TOP2B: variants seen among roughly 807,000 people sequenced by gnomAD.
The protein encoded by TOP2B is DNA topoisomerase II beta.
TOP2B carries 51 observed loss-of-function variants against 193.5 expected under a neutral mutation model. That is an observed-to-expected ratio of 0.26 (90% CI 0.21 to 0.33). TOP2B has a LOEUF of 0.33. TOP2B is among the 10% of genes least tolerant of loss of function. The probability of loss-of-function intolerance (pLI) is 1.00; values close to 1 mark genes in which losing one functional copy is unlikely to be tolerated. For synonymous variants in TOP2B, 634 were observed against 635.7 expected, an observed-to-expected ratio of 1.00 and a Z score of 0.04; for missense variants, 1,378 against 1,909.3, an observed-to-expected ratio of 0.72 and a Z score of 5.19.
In TOP2B at chr3:25,620,190, T is replaced by C. The variant is rs559267189; in HGVS notation, c.2863-128A>G. The C allele has an allele frequency of 2.3e-5, 15 of 640,516 alleles. No individual in the cohort carries two copies. In the African/African-American group the frequency reaches 2.6e-4, roughly 11 times the overall value. The allele number at this position is 640,516 out of a possible 1,614,324, so 39.7% of individuals were successfully genotyped here. ...AAAAAGGAAACCTCAATCTCTATCA[T>C]CTCCTATCCAATCAGTATAGAAGGC... On this transcript the variant is annotated intron_variant, in intron 22 of 35. Coordinates refer to ENST00000264331, the MANE Select transcript of TOP2B (RefSeq NM_001330700.2).
intron 35 of TOP2B, 84 bp from the exon 36 acceptor site, chr3:25,598,561 A>ATGTT (rs1171844494): frequency 2.6e-5 from 28 of 1,066,040 alleles, no homozygotes; most frequent in Admixed American, 6.9e-5. Flanking sequence ...AACTTCGCTT[A>ATGTT]TGTTTAGGAA....
intron 33 of TOP2B, among the ~76,000 whole-genome samples, chr3:25,602,900 T>C (rs574460031): frequency 2.1e-4 from 32 of 152,346 alleles, no homozygotes; most frequent in Middle Eastern, 6.8e-3. Context: ...AGGGATATGA[T>C]GCATCCTCTT....
intron 23 of TOP2B, 45 bp from the exon 24 acceptor site, chr3:25,618,894 G>A: frequency 5.1e-6 from 7 of 1,382,806 alleles, no homozygotes; most frequent in South Asian, 1.6e-5. Context: ...GATCTGTACT[G>A]GTATTTTAAC....
chr3:25,605,681 C>T (rs1472348108), intron 32 of TOP2B, among the ~76,000 whole-genome samples: 5 of 152,070 alleles, frequency 3.3e-5, no homozygotes, highest in Admixed American at 2.6e-4. Flanking sequence ...GGTGCCCTTA[C>T]AGATTTAGAA....
chr3:25,618,304 G>A, intron 25 of TOP2B, 114 bp downstream of exon 25: 1 of 702,518 alleles, frequency 1.4e-6, no homozygotes, highest in Non-Finnish European at 2.4e-6. Flanking sequence ...TCTCTAAATA[G>A]ACAACTCAGC....
chr3:25,624,476 TTAA>T (rs1702742799), intron 19 of TOP2B, 31 bp from the exon 20 acceptor site: 1 of 1,588,050 alleles, frequency 6.3e-7, no homozygotes, highest in Middle Eastern at 1.7e-4. Flanking sequence ...GAACATAACA[TTAA>T]TATTCTAAAT....
At chr3:25,620,160 G>C (rs974689651) in intron 22 of TOP2B, 98 bp from the exon 23 acceptor site, 2 of 783,132 alleles carry the variant, frequency 2.6e-6, no homozygotes, top group Non-Finnish European at 4.0e-6. Context: ...CTCTCATGGG[G>C]AATTAAAAAG....
intron 28 of TOP2B, among the ~76,000 whole-genome samples, chr3:25,611,472 T>A (rs1702368074): frequency 6.6e-6 from 1 of 152,186 alleles, no homozygotes. Context: ...AGGCTCATTT[T>A]CCAAGCTCTA....
At chr3:25,645,164 T>A in intron 2 of TOP2B, 136 bp downstream of exon 2, 1 of 822,562 alleles carries the variant, frequency 1.2e-6, no homozygotes, top group Non-Finnish European at 1.9e-6. Context: ...TACTTCTAGA[T>A]CTTTCACCCT....
chr3:25,612,739 A>G (rs377307490), intron 27 of TOP2B, 30 bp from the exon 28 acceptor site: 9 of 1,544,952 alleles, frequency 5.8e-6, no homozygotes, highest in Non-Finnish European at 6.2e-6. Context: ...CAGAAGGAAC[A>G]TAAACAACTT....
rs530898148 is a variant in TOP2B, at chr3:25,644,458, T to C, written c.241-674A>G. Among the ~76,000 whole-genome samples the C allele has an allele frequency of 2.7e-3, 418 of 152,094 alleles. 1 individual carries two copies. Among genetic ancestry groups the C allele is most frequent in the Non-Finnish European group, 4.8e-3 (329 of 67,990 alleles). On this transcript the variant is annotated intron_variant, in intron 2 of 35. Coordinates refer to ENST00000264331, the MANE Select transcript of TOP2B (RefSeq NM_001330700.2). The stretch of plus-strand genomic sequence containing the variant: ...GCTCACGCCTGTAATCCTAGCACTC[T>C]GGGGGGCCAAGGTGGATGGATCACC...
Position 25,628,898 on chromosome 3 carries a change from A to T in TOP2B, c.1855T>A (p.Trp619Arg). ...TTCTGGTTTTCTATATGTTTTTTCC[A>T]TTCGTCAAATTCAGGAATACTGTAG... ...SFYSIPEFDE[W>R]KKHIENQKAW... Residue 619 changes from tryptophan to arginine, a missense_variant, in exon 15 of 36, where the codon TGG (tryptophan) becomes AGG (arginine). Physicochemically the swap from Trp to Arg is moderately radical, Grantham distance 101 (BLOSUM62 -3). Coordinates refer to ENST00000264331, the MANE Select transcript of TOP2B (RefSeq NM_001330700.2). 1 of 1,598,088 alleles carries T rather than the reference A, an allele frequency of 6.3e-7. No individual in the cohort carries two copies. Among genetic ancestry groups the T allele is most frequent in the African/African-American group, 1.4e-5 (1 of 73,974 alleles).
intron 2 of TOP2B, among the ~76,000 whole-genome samples, chr3:25,644,712 G>C (rs1431411622): frequency 6.6e-6 from 1 of 151,554 alleles, no homozygotes; most frequent in African/African-American, 2.4e-5. Context: ...GGGGGCATCA[G>C]GGGGTGATGG....
chr3:25,625,101 CTTTAACAG>C (rs1207717807), intron 18 of TOP2B: 3 of 194,248 alleles, frequency 1.5e-5, no homozygotes, highest in African/African-American at 2.3e-5. Flanking sequence ...TACCAAACTC[CTTTAACAG>C]TAGTTTCCAA....
chr3:25,633,826 A>T lies in TOP2B; in HGVS notation c.1026+15T>A. The stretch of plus-strand genomic sequence containing the variant: ...TTCTACCACTGACTTGGAAACAAAT[A>T]ATTTGCTTACTTACTTTTGTAGTTG... On this transcript the variant is annotated intron_variant, in intron 8 of 35. Coordinates refer to ENST00000264331, the MANE Select transcript of TOP2B (RefSeq NM_001330700.2). 6.3e-7 allele frequency: 1 copy of T among 1,596,712 alleles called. No individual in the cohort carries two copies. The highest frequency in any genetic ancestry group is 1.3e-5 in the African/African-American group (1 of 74,088).
At position 25,615,554 on chromosome 3, in the gene TOP2B, A is replaced by T. The variant is rs1265472340; in HGVS notation, c.3384T>A (p.His1128Gln). ...AAEEDETQNQ[H>Q]DDSSSDSGTP... The stretch of plus-strand genomic sequence containing the variant: ...TTCCTGAATCGGAGGAACTATCATC[A>T]TGCTGGTTTTGTGTTTCATCCTCTT... Residue 1128 changes from histidine to glutamine, a missense_variant, in exon 26 of 36, where the codon CAT (histidine) becomes CAA (glutamine). Physicochemically the swap from His to Gln is conservative, Grantham distance 24. This residue lies in a region of TOP2B where 556 missense variants were observed against 584.2 expected (regional missense o/e 0.95). Transcript: ENST00000264331. 1 of 1,570,740 alleles carries T rather than the reference A, an allele frequency of 6.4e-7. No individual in the cohort carries two copies. The highest frequency in any genetic ancestry group is 8.6e-7 in the Non-Finnish European group (1 of 1,158,564).
chr3:25,652,342 G>GAACACTCCAATCAAC (rs1168097685), intron 1 of TOP2B, among the ~76,000 whole-genome samples: 1 of 152,166 alleles, frequency 6.6e-6, no homozygotes, highest in Non-Finnish European at 1.5e-5. Context: ...GACATACTCA[G>GAACACTCCAATCAAC]AACACTCCAA....
At chr3:25,612,307 G>T (rs1702392156) in intron 28 of TOP2B, among the ~76,000 whole-genome samples, 1 of 152,236 alleles carries the variant, frequency 6.6e-6, no homozygotes, top group Non-Finnish European at 1.5e-5. Context: ...TTTAAAAGCT[G>T]AATTAAGTAG....
At chr3:25,599,821 G>A (rs1478462873) in intron 34 of TOP2B, among the ~76,000 whole-genome samples, 1 of 152,154 alleles carries the variant, frequency 6.6e-6, no homozygotes, top group Non-Finnish European at 1.5e-5. Flanking sequence ...TTTGGTCCTT[G>A]AGCCTGAAAA....
Sources: gnomAD v4.1 joint callset for allele counts (sites outside exome capture counted in the v4.1 genomes callset) on GRCh38, gnomAD v4.1.1 for gene constraint, gnomAD v4.1.1 regional missense constraint, MANE v1.5 for transcripts, NCBI Gene and HGNC (gene_info 2026-07-23, HGNC 2026-07-21) for gene names.